MALRD1: variants seen among roughly 807,000 people sequenced by gnomAD.
The protein encoded by MALRD1 is MAM and LDL receptor class A domain containing 1.
MALRD1 carries 247 observed loss-of-function variants against 242.1 expected under a neutral mutation model. That is an observed-to-expected ratio of 1.02 (90% CI 0.92 to 1.13). The LOEUF is 1.13. MALRD1 is among the 50% of genes most tolerant of loss of function. The pLI, the probability that MALRD1 is intolerant of heterozygous loss-of-function variation, is 0.00. For missense variants in MALRD1, 2,989 were observed against 2,533.1 expected, an observed-to-expected ratio of 1.18 and a Z score of -3.86; for synonymous variants, 995 against 866.6, an observed-to-expected ratio of 1.15 and a Z score of -2.60.
At chr10:19,649,449 A>G (rs957094360) in intron 36 of MALRD1, among the ~76,000 whole-genome samples, 1 of 152,160 alleles carries the variant, frequency 6.6e-6, no homozygotes, top group Non-Finnish European at 1.5e-5. Flanking sequence ...GTGAGATGGT[A>G]TCTCATATGG....
intron 1 of MALRD1, among the ~76,000 whole-genome samples, chr10:19,063,621 AT>A (rs199749754): frequency 1.1e-4 from 16 of 151,964 alleles, no homozygotes; most frequent in Non-Finnish European, 2.1e-4. Context: ...TGAACTCATC[AT>A]TTTTTATGGC....
intron 26 of MALRD1, among the ~76,000 whole-genome samples, chr10:19,381,900 G>A (rs1263667189): frequency 1.3e-5 from 2 of 151,804 alleles, no homozygotes; most frequent in Non-Finnish European, 2.9e-5. Flanking sequence ...CAACATGAGA[G>A]TTCAGGGAAT....
chr10:19,062,961 C>A (rs774372355), intron 1 of MALRD1, among the ~76,000 whole-genome samples: 1 of 152,044 alleles, frequency 6.6e-6, no homozygotes, highest in Admixed American at 6.5e-5. Context: ...GCCTGAGTAA[C>A]ATGGCAAAAC....
At chr10:19,164,403 A>G (rs895411695) in intron 12 of MALRD1, among the ~76,000 whole-genome samples, 1 of 152,218 alleles carries the variant, frequency 6.6e-6, no homozygotes, top group African/African-American at 2.4e-5. Context: ...TAAAAGCACA[A>G]TGATGAATGG....
chr10:19,676,047 G>T (rs967884442), intron 36 of MALRD1, among the ~76,000 whole-genome samples: 1 of 152,166 alleles, frequency 6.6e-6, no homozygotes, highest in East Asian at 1.9e-4. Context: ...GAAAACAGAT[G>T]TCGTGGAAAG....
chr10:19,664,406 C>T (rs972113213), intron 36 of MALRD1, among the ~76,000 whole-genome samples: 9 of 151,976 alleles, frequency 5.9e-5, no homozygotes, highest in African/African-American at 1.9e-4. Context: ...CAGTAATTCT[C>T]GGGCAGGCTC....
chr10:19,137,151 C>CT (rs1833372986), intron 10 of MALRD1, among the ~76,000 whole-genome samples: 1 of 152,012 alleles, frequency 6.6e-6, no homozygotes, highest in Non-Finnish European at 1.5e-5. Context: ...ATTGTGTATG[C>CT]TTTTTTCCTC....
chr10:19,579,852 T>G (rs1038861895), intron 33 of MALRD1, among the ~76,000 whole-genome samples: 2 of 152,218 alleles, frequency 1.3e-5, no homozygotes, highest in Non-Finnish European at 2.9e-5. Context: ...TTAATAATAC[T>G]GGGCCTAAAG....
intron 28 of MALRD1, among the ~76,000 whole-genome samples, chr10:19,408,859 A>C (rs1396664452): frequency 6.6e-6 from 1 of 152,220 alleles, no homozygotes; most frequent in Non-Finnish European, 1.5e-5. Context: ...AAACTCTGTA[A>C]CAAAGGGTTT....
intron 1 of MALRD1, among the ~76,000 whole-genome samples, chr10:19,058,503 G>A (rs950828343): frequency 6.6e-6 from 1 of 152,020 alleles, no homozygotes; most frequent in African/African-American, 2.4e-5. Flanking sequence ...TAAGTATTGG[G>A]GTGGGGAAGA....
chr10:19,266,652 A>C (rs1003731704), intron 19 of MALRD1, among the ~76,000 whole-genome samples: 5 of 151,964 alleles, frequency 3.3e-5, no homozygotes, highest in Non-Finnish European at 7.4e-5. Context: ...CTAAAAGATA[A>C]ATGTTATTAA....
chr10:19,597,483 G>T (rs1020881653), intron 34 of MALRD1, among the ~76,000 whole-genome samples: 4 of 152,148 alleles, frequency 2.6e-5, no homozygotes, highest in Non-Finnish European at 5.9e-5. Flanking sequence ...TAGAATAAGA[G>T]AATTCAGTGG....
intron 21 of MALRD1, chr10:19,290,157 C>G (rs1841338618): frequency 6.6e-6 from 1 of 152,088 alleles, no homozygotes; most frequent in Non-Finnish European, 1.5e-5. Context: ...ACCTGATATT[C>G]TACTTTTTTT....
intron 38 of MALRD1, among the ~76,000 whole-genome samples, chr10:19,724,451 G>A (rs1165491414): frequency 6.6e-6 from 1 of 152,216 alleles, no homozygotes; most frequent in Non-Finnish European, 1.5e-5. Flanking sequence ...CCTCTCAGCA[G>A]GAACATTGTG....
chr10:19,572,245 TGTG>T (rs1267216230), intron 33 of MALRD1, among the ~76,000 whole-genome samples: 1 of 152,062 alleles, frequency 6.6e-6, no homozygotes, highest in Admixed American at 6.6e-5. Flanking sequence ...AGCAGAAGAG[TGTG>T]TTTATTTGTA....
chr10:19,682,262 G>A lies in MALRD1; in HGVS notation c.6138-10020G>A, dbSNP rs74686777. On this transcript the variant is annotated intron_variant, in intron 36 of 39. Coordinates refer to ENST00000454679, the MANE Select transcript of MALRD1 (RefSeq NM_001142308.3). Reference sequence around the variant, plus strand: ...ACAATGAGACAAATGAGCTGAGATGGGCACACAATGACAATAAGGGTGGGA... The same window carrying A: ...ACAATGAGACAAATGAGCTGAGATGAGCACACAATGACAATAAGGGTGGGA... Among the ~76,000 whole-genome samples, 391 of 152,172 alleles carry A rather than the reference G, an allele frequency of 2.6e-3. 6 individuals are homozygous for A. In the East Asian group the frequency reaches 0.058, roughly 23 times the overall value.
At chr10:19,473,497 CT>C (rs11319159) in intron 29 of MALRD1, among the ~76,000 whole-genome samples, 7,278 of 151,942 alleles carry the variant, frequency 0.048, 569 homozygotes, top group African/African-American at 0.17. Context: ...TCCCCAGCCC[CT>C]GATGTCTACC....
intron 4 of MALRD1, among the ~76,000 whole-genome samples, chr10:19,098,044 T>G (rs542387289): frequency 6.6e-6 from 1 of 152,184 alleles, no homozygotes; most frequent in African/African-American, 2.4e-5. Context: ...TTTCACTTTA[T>G]GGACATTCTC....
At chr10:19,235,894 C>T (rs932653415) in intron 18 of MALRD1, among the ~76,000 whole-genome samples, 4 of 151,686 alleles carry the variant, frequency 2.6e-5, no homozygotes, top group South Asian at 2.1e-4. Context: ...TATGGGACAT[C>T]GAAGTGGAAA....
Sources: allele counts gnomAD v4.1 joint callset (sites outside exome capture counted in the v4.1 genomes callset), GRCh38; gene constraint gnomAD v4.1.1; transcripts MANE v1.5; gene names NCBI Gene and HGNC (gene_info 2026-07-23, HGNC 2026-07-21).